ARHGEF25: variants seen among roughly 807,000 people sequenced by gnomAD.
The protein encoded by ARHGEF25 is RAC/CDC42 exchange factor.
ARHGEF25 carries 42 observed loss-of-function variants against 74.0 expected under a neutral mutation model. That is an observed-to-expected ratio of 0.57 (90% CI 0.44 to 0.73). ARHGEF25 has a LOEUF of 0.73. Ranked by LOEUF, ARHGEF25 falls within the 30% of genes least tolerant of loss-of-function variation. ARHGEF25 has a pLI of 0.00. For missense variants in ARHGEF25, 645 were observed against 725.5 expected (o/e 0.89, Z 1.27); for synonymous variants, 293 against 278.6 (o/e 1.05, Z -0.51).
chr12:57,611,078 C>T (rs1032108981), upstream of ARHGEF25, among the ~76,000 whole-genome samples: 1 of 152,252 alleles, frequency 6.6e-6, no homozygotes, highest in Non-Finnish European at 1.5e-5. The surrounding 1 kb of genome is among the most constrained non-coding windows in gnomAD (Gnocchi z 4.5). Flanking sequence ...TCTGTCCACT[C>T]GGCCGGGGAC....
intron 14 of ARHGEF25, 100 bp from the exon 15 acceptor site, chr12:57,616,684 A>G: frequency 1.0e-6 from 1 of 1,004,880 alleles, no homozygotes; most frequent in African/African-American, 1.6e-5. Context: ...TAAGATATCT[A>G]GCAAGAGGAG....
chr12:57,614,054 G>C lies in ARHGEF25; in HGVS notation c.591G>C (p.Glu197Asp), dbSNP rs1463355923. ...CCATGGCTGCTCAGGGGGTCCCCGA[G>C]AGTCTTCGAGGCCGTGACAGGATTG... ...MATMAAQGVPESLRGRDRIVF... is the reference protein window; with the variant it reads ...MATMAAQGVPDSLRGRDRIVF... The change falls in exon 6 of 15, where the codon GAG becomes GAC. Residue 197 changes from glutamate to aspartate, a missense_variant. Transcript: ENST00000286494. This position sits in a 1 kb window ranked among gnomAD's most constrained non-coding sequence, Gnocchi z 4.6. 1.2e-6 allele frequency: 2 copies of C among 1,614,148 alleles called. No homozygotes were observed. The highest frequency in any genetic ancestry group is 1.7e-6 in the Non-Finnish European group (2 of 1,180,024).
rs770018674 is a variant in ARHGEF25, at chr12:57,611,905, G to T, written c.11G>T (p.Gly4Val). Residue 4 changes from glycine to valine, a missense_variant, in exon 1 of 15, where the codon GGG (glycine) becomes GTG (valine). This residue lies in a region of ARHGEF25 where 189 missense variants were observed against 199.1 expected (regional missense o/e 0.95). Transcript: ENST00000286494. This position sits in a 1 kb window ranked among gnomAD's most constrained non-coding sequence, Gnocchi z 4.5. MRG[G>V]HKGGRCACPR... ...GGGGGCCCGGGCGCCATGCGGGGGG[G>T]GCACAAAGGGGGTCGCTGTGCCTGT... The T allele has an allele frequency of 1.6e-6, 2 of 1,264,146 alleles. No homozygotes were observed. The highest frequency in any genetic ancestry group is 2.0e-6 in the Non-Finnish European group (2 of 983,292). 78.3% of individuals were successfully genotyped at this position (1,264,146 alleles called of 1,614,324 possible). A position where few individuals can be genotyped will look rare whatever the true frequency, so the allele number is the denominator to read the frequency against.
chr12:57,612,157 G>T, intron 1 of ARHGEF25, 166 bp downstream of exon 1: 1 of 427,682 alleles, frequency 2.3e-6, no homozygotes, highest in Non-Finnish European at 3.8e-6. Flanking sequence ...CCAAATTTCT[G>T]TTAGTTCAAG....
chr12:57,611,399 G>A (rs1489877805), upstream of ARHGEF25: 1 of 980,886 alleles, frequency 1.0e-6, no homozygotes, highest in Non-Finnish European at 1.2e-6. This position sits in a 1 kb window ranked among gnomAD's most constrained non-coding sequence, Gnocchi z 4.5. Context: ...GGCCGCAGAG[G>A]CCCCGCCTCG....
At position 57,615,650 on chromosome 12, in the gene ARHGEF25, G is replaced by A; in HGVS notation, c.1177G>A (p.Ala393Thr). Reference protein sequence around the residue: ...LFEQIIIFSEALGGGVRGGTQ... With the variant: ...LFEQIIIFSETLGGGVRGGTQ... ...TGAGCAAATCATCATCTTCAGTGAA[G>A]CCCTGGGAGGAGGAGTGAGAGGTGG... is the stretch of plus-strand genomic sequence containing the variant. Residue 393 changes from alanine to threonine, a missense_variant, in exon 12 of 15, where the codon GCC (alanine) becomes ACC (threonine). This residue lies in a region of ARHGEF25 where 262 missense variants were observed against 256.9 expected (regional missense o/e 1.02). Coordinates refer to ENST00000286494, the MANE Select transcript of ARHGEF25 (RefSeq NM_182947.4). The A allele has an allele frequency of 6.2e-7, 1 of 1,614,184 alleles. No homozygotes were observed. Among genetic ancestry groups the A allele is most frequent in the East Asian group, 2.2e-5 (1 of 44,882 alleles).
At chr12:57,615,214 C>A (rs370108629) in intron 10 of ARHGEF25, 23 bp from the exon 11 acceptor site, 1 of 1,577,896 alleles carries the variant, frequency 6.3e-7, no homozygotes, top group African/African-American at 1.4e-5. Context: ...CCCAACAATG[C>A]GCCTCCCTCA....
rs192221407 is a variant in ARHGEF25, at chr12:57,614,853, C to T, written c.909+72C>T. 6.4e-7 allele frequency: 1 copy of T among 1,572,692 alleles called. No homozygotes were observed. Among genetic ancestry groups the T allele is most frequent in the East Asian group, 2.3e-5 (1 of 43,718 alleles). On this transcript the variant is annotated intron_variant, in intron 9 of 14. Transcript: ENST00000286494. This position sits in a 1 kb window ranked among gnomAD's most constrained non-coding sequence, Gnocchi z 4.6. Reference sequence around the variant, plus strand: ...TTTCCTCATTCATCTCCCCAGGGTTCTTAGGGCTCCCCCAGACTTCCTGAG... The same window carrying T: ...TTTCCTCATTCATCTCCCCAGGGTTTTTAGGGCTCCCCCAGACTTCCTGAG...
At chr12:57,610,677 G>A (rs1164901135), upstream of ARHGEF25, 1 of 1,606,938 alleles carries the variant, frequency 6.2e-7, no homozygotes, top group East Asian at 2.2e-5. Context: ...CCGGGGCTCT[G>A]CAGCCCGGTA....
rs1884283052 is a variant in ARHGEF25, at chr12:57,616,298, A to G, written c.1435A>G (p.Ile479Val). 1.9e-6 allele frequency: 3 copies of G among 1,612,292 alleles called. No individual in the cohort carries two copies. Among genetic ancestry groups the G allele is most frequent in the Non-Finnish European group, 2.5e-6 (3 of 1,179,674 alleles). Reference sequence around the variant, plus strand: ...CTTTGCTCCAGCATTGCAGTCACCCATTGAGTACCAGAGACGGGAGAGCCA... The same window carrying G: ...CTTTGCTCCAGCATTGCAGTCACCCGTTGAGTACCAGAGACGGGAGAGCCA... ...RDFLNALQSP[I>V]EYQRRESQTN... The change falls in exon 14 of 15, where the codon ATT becomes GTT. Residue 479 changes from isoleucine to valine, a missense_variant. Around this residue, in one of 3 missense-constraint regions of ARHGEF25, gnomAD observed 262 missense variants for 256.9 expected, o/e 1.02. Coordinates refer to ENST00000286494, the MANE Select transcript of ARHGEF25 (RefSeq NM_182947.4).
In ARHGEF25 at chr12:57,613,273, T is replaced by C; in HGVS notation, c.322T>C (p.Leu108=). Reference sequence around the variant, plus strand: ...GATTTCTGGCCCCCAGAACTGGATGTTGGAGCCAGCTCTAGCCACAGGAGA... The same window carrying C: ...GATTTCTGGCCCCCAGAACTGGATGCTGGAGCCAGCTCTAGCCACAGGAGA... ...GQAGPYENWM[L]EPALATGEEL... is the part of the protein sequence containing the mutation. The change falls in exon 3 of 15, where the codon TTG becomes CTG. Residue 108 remains leucine (L), a synonymous_variant. Coordinates refer to ENST00000286494, the MANE Select transcript of ARHGEF25 (RefSeq NM_182947.4). The C allele has an allele frequency of 6.2e-7, 1 of 1,614,136 alleles. No individual in the cohort carries two copies. The highest frequency in any genetic ancestry group is 8.5e-7 in the Non-Finnish European group (1 of 1,179,972).
intron 1 of ARHGEF25, 172 bp downstream of exon 1, chr12:57,612,163 T>TCC (rs1884083394): frequency 1.2e-5 from 5 of 426,054 alleles, no homozygotes; most frequent in Non-Finnish European, 1.5e-5. Context: ...TTCTGTTAGT[T>TCC]CAAGTTAAGG....
chr12:57,613,828 A>T, intron 5 of ARHGEF25, 68 bp downstream of exon 5: 1 of 1,583,916 alleles, frequency 6.3e-7, no homozygotes, highest in African/African-American at 1.3e-5. Context: ...TATTTTCAGG[A>T]GGTGCCTGGG....
intron 3 of ARHGEF25, 38 bp downstream of exon 3, chr12:57,613,397 AG>A (rs771644007): frequency 2.3e-5 from 37 of 1,614,162 alleles, no homozygotes; most frequent in Non-Finnish European, 3.0e-5. Flanking sequence ...CTTTCACTCA[AG>A]GGGCATTCGT....
intron 14 of ARHGEF25, 76 bp downstream of exon 14, chr12:57,616,571 T>A: frequency 7.3e-7 from 1 of 1,363,044 alleles, no homozygotes. Flanking sequence ...CCAAGTTCCC[T>A]CCCCATATCA....
At chr12:57,611,242 G>A (rs529151926), upstream of ARHGEF25, among the ~76,000 whole-genome samples, 1 of 151,448 alleles carries the variant, frequency 6.6e-6, no homozygotes, top group South Asian at 2.1e-4. This position sits in a 1 kb window ranked among gnomAD's most constrained non-coding sequence, Gnocchi z 4.5. Flanking sequence ...AGAGGGAGGG[G>A]GACCCCGGGG....
chr12:57,615,756 A>G (rs1306606372), intron 12 of ARHGEF25, 44 bp downstream of exon 12: 1 of 1,612,872 alleles, frequency 6.2e-7, no homozygotes, highest in Admixed American at 1.7e-5. Flanking sequence ...GAGAGAGGGC[A>G]TGAGGCCTCT....
intron 11 of ARHGEF25, 55 bp from the exon 12 acceptor site, chr12:57,615,457 G>A: frequency 6.2e-7 from 1 of 1,609,612 alleles, no homozygotes; most frequent in Non-Finnish European, 8.5e-7. Context: ...GGGAGGAGCA[G>A]AGAATTGTCC....
rs921533232 is a variant in ARHGEF25 at position 57,613,608 on chromosome 12, A to G, written c.486-86A>G. ...GGAATTTCCTCCAAGGTTGGCTATG[A>G]TGATAAAGGGGAGGAGGGAGGAACG... On this transcript the variant is annotated intron_variant, in intron 4 of 14. Transcript: ENST00000286494. 28 of 1,611,142 alleles carry G rather than the reference A, an allele frequency of 1.7e-5. No individual in the cohort carries two copies. The African/African-American group carries it at 2.9e-4, about 17-fold the overall frequency.
Sources: gnomAD v4.1 joint callset for allele counts (sites outside exome capture counted in the v4.1 genomes callset) on GRCh38, gnomAD v4.1.1 for gene constraint, gnomAD v4.1.1 regional missense constraint, Gnocchi (gnomAD v3.1) non-coding constraint, MANE v1.5 for transcripts, NCBI Gene and HGNC (gene_info 2026-07-23, HGNC 2026-07-21) for gene names.